Variants in PTPRM observed in about 807,000 individuals in gnomAD.
PTPRM encodes protein tyrosine phosphatase receptor type M.
A neutral mutation model predicts 186.7 loss-of-function variants in PTPRM; 47 were observed. The observed-to-expected ratio is 0.25, with a 90% confidence interval of 0.20 to 0.32. The LOEUF is 0.32. Among genes scored for constraint, PTPRM ranks in the 10% least tolerant of loss-of-function variants. The pLI is 1.00. For synonymous variants in PTPRM, 668 were observed against 674.9 expected (o/e 0.99, Z 0.16); for missense variants, 1,494 against 1,865.0 (o/e 0.80, Z 3.66).
At chr18:8,149,341 TG>T (rs1421390832) in intron 14 of PTPRM, among the ~76,000 whole-genome samples, 2 of 152,216 alleles carry the variant, frequency 1.3e-5, no homozygotes, top group African/African-American at 4.8e-5. Flanking sequence ...GCTCCTGTGT[TG>T]GGGGCATATA....
chr18:7,859,427 C>T (rs1269699069), intron 2 of PTPRM, among the ~76,000 whole-genome samples: 1 of 152,186 alleles, frequency 6.6e-6, no homozygotes, highest in Non-Finnish European at 1.5e-5. Context: ...CTCTGCTGGG[C>T]CAGCCAGGCC....
intron 14 of PTPRM, among the ~76,000 whole-genome samples, chr18:8,204,642 G>T (rs983518706): frequency 2.6e-5 from 4 of 152,018 alleles, no homozygotes; most frequent in African/African-American, 9.7e-5. Context: ...TGCTAGGAGG[G>T]CCATTTTCTC....
intron 14 of PTPRM, among the ~76,000 whole-genome samples, chr18:8,194,282 T>C (rs1238436206): frequency 6.6e-6 from 1 of 152,318 alleles, no homozygotes; most frequent in African/African-American, 2.4e-5. Context: ...TCCATAATGG[T>C]TTTGTAGTAA....
intron 14 of PTPRM, among the ~76,000 whole-genome samples, chr18:8,218,465 G>T (rs890247427): frequency 3.9e-5 from 6 of 152,144 alleles, no homozygotes; most frequent in Non-Finnish European, 7.4e-5. Flanking sequence ...AAGACTAAGG[G>T]AGTTAAATTG....
intron 23 of PTPRM, among the ~76,000 whole-genome samples, chr18:8,359,588 T>C (rs942446062): frequency 6.6e-6 from 1 of 152,254 alleles, no homozygotes. Flanking sequence ...CCACAGTCTT[T>C]GGGGTACATA....
intron 7 of PTPRM, among the ~76,000 whole-genome samples, chr18:7,984,602 T>TATATATATACACACACACAC (rs1214502563): frequency 4.6e-5 from 4 of 87,198 alleles, no homozygotes; most frequent in African/African-American, 1.5e-4. Context: ...TATATATATA[T>TATATATATACACACACACAC]ACACACACAC....
At chr18:8,325,702 G>A (rs2095371498) in intron 22 of PTPRM, among the ~76,000 whole-genome samples, 1 of 152,116 alleles carries the variant, frequency 6.6e-6, no homozygotes, top group African/African-American at 2.4e-5. Context: ...GCCAATAATG[G>A]GATTGCTGGG....
intron 13 of PTPRM, among the ~76,000 whole-genome samples, chr18:8,138,270 G>A (rs1472446546): frequency 6.6e-6 from 1 of 151,550 alleles, no homozygotes; most frequent in Non-Finnish European, 1.5e-5. Flanking sequence ...GACGGCCCAG[G>A]GCTCTGCATG....
Position 7,779,318 on chromosome 18 carries a change from A to G in PTPRM, c.196+5047A>G, listed in dbSNP as rs565698992. ...CTACATAAAGCTCATTTAGCTTTCC[A>G]TGTCTTAGTTATATCTGTGGGGAAT... On this transcript the variant is annotated intron_variant, in intron 2 of 32. Coordinates refer to ENST00000580170, the MANE Select transcript of PTPRM (RefSeq NM_001105244.2). 3.9e-5 allele frequency among the ~76,000 whole-genome samples: 6 copies of G among 152,134 alleles called. No individual in the cohort carries two copies. The South Asian group carries it at 1.2e-3, about 31-fold the overall frequency.
chr18:7,942,649 G>C (rs113727225), intron 5 of PTPRM, among the ~76,000 whole-genome samples: 1,617 of 152,042 alleles, frequency 0.011, 35 homozygotes, highest in African/African-American at 0.037. Flanking sequence ...TTGGTGGGGG[G>C]GCGGGGAGGG....
At chr18:7,617,748 G>C (rs1342834540) in intron 1 of PTPRM, among the ~76,000 whole-genome samples, 1 of 152,126 alleles carries the variant, frequency 6.6e-6, no homozygotes, top group Admixed American at 6.5e-5. Context: ...TAAGCATTTC[G>C]TGAGAAGAGG....
chr18:7,895,791 T>C (rs2146436116), intron 3 of PTPRM, among the ~76,000 whole-genome samples: 1 of 152,376 alleles, frequency 6.6e-6, no homozygotes, highest in African/African-American at 2.4e-5. Flanking sequence ...GTGTCCTGTG[T>C]ACTTTTGATA....
intron 23 of PTPRM, among the ~76,000 whole-genome samples, chr18:8,369,075 G>A (rs1472420766): frequency 2.0e-5 from 3 of 152,206 alleles, no homozygotes; most frequent in Non-Finnish European, 4.4e-5. Context: ...AGAAATGGAT[G>A]GGAGGAGAAT....
chr18:7,651,020 C>A (rs1049581199), intron 1 of PTPRM, among the ~76,000 whole-genome samples: 1 of 151,228 alleles, frequency 6.6e-6, no homozygotes, highest in Non-Finnish European at 1.5e-5. Context: ...CAAACTCTGC[C>A]TCTCAGGTTC....
At chr18:7,856,584 A>T (rs1036511699) in intron 2 of PTPRM, among the ~76,000 whole-genome samples, 6 of 151,990 alleles carry the variant, frequency 3.9e-5, no homozygotes, top group African/African-American at 1.4e-4. Context: ...GCAGAAAAAA[A>T]AAAAAGAAAA....
At chr18:8,023,848 A>G (rs2085381766) in intron 7 of PTPRM, among the ~76,000 whole-genome samples, 1 of 132,534 alleles carries the variant, frequency 7.5e-6, no homozygotes, top group South Asian at 2.7e-4. Context: ...ACACACACAC[A>G]CACACACACA....
intron 4 of PTPRM, among the ~76,000 whole-genome samples, chr18:7,921,397 TTGA>T (rs2050855732): frequency 5.9e-5 from 9 of 151,392 alleles, no homozygotes; most frequent in Admixed American, 2.0e-4. Context: ...TTTTTTTTTT[TTGA>T]GACAGAGTCT....
At chr18:8,141,036 A>T (rs1246864189) in intron 13 of PTPRM, among the ~76,000 whole-genome samples, 2 of 152,202 alleles carry the variant, frequency 1.3e-5, no homozygotes, top group African/African-American at 4.8e-5. Flanking sequence ...GGTCATAACC[A>T]GAACCACATG....
chr18:8,289,539 T>TATATATACAC (rs1458187817), intron 19 of PTPRM, among the ~76,000 whole-genome samples: 1 of 56,870 alleles, frequency 1.8e-5, no homozygotes, highest in African/African-American at 1.2e-4. Context: ...TATATACACA[T>TATATATACAC]ATATATATAT....
Sources: gnomAD v4.1 joint callset for allele counts (sites outside exome capture counted in the v4.1 genomes callset) on GRCh38, gnomAD v4.1.1 for gene constraint, MANE v1.5 for transcripts, NCBI Gene and HGNC (gene_info 2026-07-23, HGNC 2026-07-21) for gene names.